FAAH2: variants seen among roughly 807,000 people sequenced by gnomAD.
FAAH2 encodes the protein fatty acid amide hydrolase 2.
Under a neutral mutation model 36.9 loss-of-function variants are expected in FAAH2, and 60 were observed. The observed-to-expected ratio is 1.63, with a 90% CI of 1.32 to 2.02. The LOEUF (loss-of-function observed/expected upper bound fraction) is 2.02. Ranked by LOEUF, FAAH2 falls within the 30% of genes most tolerant of loss-of-function variation. The pLI is 0.00. For missense variants in FAAH2, 689 were observed against 397.5 expected (o/e 1.73, Z -6.23); for synonymous variants, 214 against 143.8 (o/e 1.49, Z -3.49).
chrX:57,220,951 C>T, the FAAH2 span, among the ~76,000 whole-genome samples: 1 of 112,088 alleles, frequency 8.9e-6, no homozygotes, highest in Non-Finnish European at 1.9e-5. Flanking sequence ...CTACCTTTGC[C>T]TCATCCAAGC....
the FAAH2 span, among the ~76,000 whole-genome samples, chrX:57,151,261 G>A: frequency 9.0e-6 from 1 of 111,404 alleles, no homozygotes; most frequent in South Asian, 3.8e-4. Context: ...TTCTCAAGGA[G>A]TATCTTTGTG....
intron 7 of FAAH2, among the ~76,000 whole-genome samples, chrX:57,386,298 A>G (rs572600992): frequency 8.9e-6 from 1 of 112,034 alleles, no homozygotes; most frequent in South Asian, 3.7e-4. Flanking sequence ...AAATTATAAA[A>G]GAAGTTATAT....
At chrX:57,182,494 G>A in the FAAH2 span, among the ~76,000 whole-genome samples, 233 of 111,167 alleles carry the variant, frequency 2.1e-3, 1 homozygote, top group African/African-American at 3.6e-3. Flanking sequence ...AATGCAACTC[G>A]AAACCACAAT....
the FAAH2 span, among the ~76,000 whole-genome samples, chrX:57,247,239 G>T: frequency 1.8e-5 from 2 of 111,215 alleles, no homozygotes; most frequent in Non-Finnish European, 1.9e-5. Flanking sequence ...TGCATTGGAA[G>T]AAATAAGGAT....
intron 7 of FAAH2, among the ~76,000 whole-genome samples, chrX:57,403,074 C>T (rs1246833877): frequency 9.0e-6 from 1 of 111,650 alleles, no homozygotes; most frequent in Non-Finnish European, 1.9e-5. Context: ...GAGAATTTAC[C>T]TAGGTCTATT....
At chrX:57,145,260 G>C in the FAAH2 span, among the ~76,000 whole-genome samples, 1 of 107,951 alleles carries the variant, frequency 9.3e-6, no homozygotes, top group East Asian at 2.8e-4. Flanking sequence ...TTTTGGGGGG[G>C]GGTAAGGTGG....
chrX:57,125,285 C>A, the FAAH2 span, among the ~76,000 whole-genome samples: 1 of 112,632 alleles, frequency 8.9e-6, no homozygotes, highest in African/African-American at 3.2e-5. Flanking sequence ...GTCTTCGGTT[C>A]TGTTTATGTG....
intron 8 of FAAH2, among the ~76,000 whole-genome samples, chrX:57,434,330 A>T (rs1835699): frequency 9.3e-6 from 1 of 108,030 alleles, no homozygotes; most frequent in Non-Finnish European, 1.9e-5. Context: ...AATCATGCTG[A>T]CCCCTAAAGT....
the FAAH2 span, among the ~76,000 whole-genome samples, chrX:57,235,057 G>T: frequency 3.6e-5 from 4 of 110,890 alleles, no homozygotes; most frequent in Non-Finnish European, 7.6e-5. Context: ...GGGACTGGGG[G>T]CCCTTGCTGT....
At chrX:57,220,804 C>T in the FAAH2 span, among the ~76,000 whole-genome samples, 8 of 111,642 alleles carry the variant, frequency 7.2e-5, no homozygotes, top group Non-Finnish European at 1.5e-4. Flanking sequence ...GCGGAGAACC[C>T]CACTGGAAGT....
At chrX:57,279,145 CA>C in the FAAH2 span, among the ~76,000 whole-genome samples, 4 of 112,247 alleles carry the variant, frequency 3.6e-5, no homozygotes, top group African/African-American at 1.3e-4. Flanking sequence ...GATAAAGAAA[CA>C]TGAACACGTA....
the FAAH2 span, among the ~76,000 whole-genome samples, chrX:57,156,321 G>C: frequency 3.6e-5 from 4 of 111,848 alleles, no homozygotes; most frequent in Admixed American, 2.8e-4. Context: ...CCACAAAATA[G>C]CTATTTTGAA....
chrX:57,423,824 C>G (rs918214281), intron 7 of FAAH2, among the ~76,000 whole-genome samples: 3 of 111,258 alleles, frequency 2.7e-5, no homozygotes, highest in Non-Finnish European at 5.7e-5. Flanking sequence ...CCAGGGAGCT[C>G]TATAGCCTAG....
the FAAH2 span, among the ~76,000 whole-genome samples, chrX:57,194,223 G>T: frequency 9.0e-6 from 1 of 111,217 alleles, no homozygotes; most frequent in Non-Finnish European, 1.9e-5. Flanking sequence ...GTTTGTTCAG[G>T]TTTGGATTTA....
intron 1 of FAAH2, among the ~76,000 whole-genome samples, chrX:57,292,011 G>A (rs1444291696): frequency 9.0e-6 from 1 of 110,948 alleles, no homozygotes; most frequent in Non-Finnish European, 1.9e-5. Context: ...CTATTCATTT[G>A]AAATTCAAAT....
chrX:57,347,604 G>GTTTT (rs61323098), intron 5 of FAAH2, among the ~76,000 whole-genome samples: 2 of 77,898 alleles, frequency 2.6e-5, no homozygotes, highest in African/African-American at 1.3e-4. Context: ...GGGATGCTAA[G>GTTTT]TTTTTTTTTT....
chrX:57,458,930 CTTG>C (rs1164905503), intron 10 of FAAH2, among the ~76,000 whole-genome samples: 2 of 112,079 alleles, frequency 1.8e-5, no homozygotes, highest in Non-Finnish European at 3.8e-5. Flanking sequence ...GAGTTGTTTT[CTTG>C]TTGTTTCCCA....
chrX:57,139,738 G>A, the FAAH2 span, among the ~76,000 whole-genome samples: 29 of 111,848 alleles, frequency 2.6e-4, no homozygotes, highest in Admixed American at 2.5e-3. Flanking sequence ...ACAAGTGTGA[G>A]CCACCACGCC....
the FAAH2 span, among the ~76,000 whole-genome samples, chrX:57,132,533 G>A: frequency 3.6e-5 from 4 of 112,154 alleles, no homozygotes; most frequent in Non-Finnish European, 3.8e-5. Flanking sequence ...ACTGCACAGC[G>A]TTATCAAATA....
Sources: gnomAD v4.1 joint callset for allele counts (sites outside exome capture counted in the v4.1 genomes callset) on GRCh38, gnomAD v4.1.1 for gene constraint, MANE v1.5 for transcripts, NCBI Gene and HGNC (gene_info 2026-07-23, HGNC 2026-07-21) for gene names.